Variants in PDPK1 observed in about 807,000 individuals in gnomAD.
The protein encoded by PDPK1 is 3-phosphoinositide-dependent protein kinase 1.
Under a neutral mutation model 39.8 loss-of-function variants are expected in PDPK1, and 7 were observed. The observed-to-expected ratio is 0.18, with a 90% CI of 0.10 to 0.33. PDPK1 has a LOEUF of 0.33. PDPK1 is among the 10% of genes least tolerant of loss of function. PDPK1 has a pLI of 1.00. For missense variants in PDPK1, 182 were observed against 384.7 expected (o/e 0.47, Z 4.41); for synonymous variants, 118 against 159.1 (o/e 0.74, Z 1.95).
At chr16:2,592,255 C>T (rs2067004143) in intron 11 of PDPK1, among the ~76,000 whole-genome samples, 1 of 152,156 alleles carries the variant, frequency 6.6e-6, no homozygotes, top group South Asian at 2.1e-4. Context: ...TTGTGGATTG[C>T]CCTGCATCCT....
chr16:2,539,984 A>G (rs2066214618), intron 1 of PDPK1, among the ~76,000 whole-genome samples: 1 of 152,236 alleles, frequency 6.6e-6, no homozygotes, highest in Non-Finnish European at 1.5e-5. Context: ...AGAATGCAAG[A>G]TGGATTTCCA....
At chr16:2,592,676 A>C (rs1250220964) in intron 11 of PDPK1, 1 of 374,576 alleles carries the variant, frequency 2.7e-6, no homozygotes, top group Non-Finnish European at 5.3e-6. Context: ...CTCTGTCTTA[A>C]AAAAAAAAAA....
At chr16:2,588,409 G>C (rs1310289620) in intron 11 of PDPK1, among the ~76,000 whole-genome samples, 1 of 152,172 alleles carries the variant, frequency 6.6e-6, no homozygotes, top group African/African-American at 2.4e-5. Flanking sequence ...CCCACGAAGG[G>C]CTGCTGTGGC....
intron 11 of PDPK1, among the ~76,000 whole-genome samples, chr16:2,590,640 AT>A (rs749478382): frequency 3.3e-5 from 5 of 152,246 alleles, no homozygotes; most frequent in Non-Finnish European, 7.3e-5. Context: ...TTTCTTGAAA[AT>A]GATTGGAATG....
intron 1 of PDPK1, chr16:2,538,671 G>A: frequency 7.8e-7 from 1 of 1,288,874 alleles, no homozygotes. Flanking sequence ...CGGCCAAGGG[G>A]CATTTGGGTG....
At position 2,546,276 on chromosome 16, in the gene PDPK1, G is replaced by C. The variant is rs1441607086; in HGVS notation, c.24+8140G>C. ...TTTTTGTGTTTTTAGTAGAGACGGG[G>C]TTTCACCATCTTGGTTAGGCTAATC... On this transcript the variant is annotated intron_variant, in intron 1 of 13. Coordinates refer to ENST00000342085, the MANE Select transcript of PDPK1 (RefSeq NM_002613.5). 2.0e-5 allele frequency among the ~76,000 whole-genome samples: 3 copies of C among 151,632 alleles called. No individual in the cohort carries two copies. The East Asian group carries it at 5.8e-4, about 29-fold the overall frequency.
rs549120788 is a variant in PDPK1 at position 2,601,956 on chromosome 16, C to G, written c.*4189C>G. The G allele has an allele frequency of 4.3e-6, 1 of 232,832 alleles. No homozygotes were observed. Among genetic ancestry groups the G allele is most frequent in the Non-Finnish European group, 8.5e-6 (1 of 117,154 alleles). The allele number at this position is 232,832 out of a possible 1,614,324, so 14.4% of individuals were successfully genotyped here. A position where few individuals can be genotyped will look rare whatever the true frequency, so the allele number is the denominator to read the frequency against. ...ACGTGCAGGAGGTTTTTCTAGGCAC[C>G]GTGTTCAGTGCTGCTTCACTCTACC... is the stretch of plus-strand genomic sequence containing the variant. On this transcript the variant is annotated 3_prime_UTR_variant, in exon 14 of 14. Coordinates refer to ENST00000342085, the MANE Select transcript of PDPK1 (RefSeq NM_002613.5).
chr16:2,586,558 T>G, intron 10 of PDPK1, 118 bp from the exon 11 acceptor site: 1 of 804,700 alleles, frequency 1.2e-6, no homozygotes, highest in Non-Finnish European at 2.0e-6. Flanking sequence ...CCTGTCGCCT[T>G]GCGCCTTGCT....
At chr16:2,594,035 C>G (rs528558951) in intron 11 of PDPK1, 1 of 152,382 alleles carries the variant, frequency 6.6e-6, no homozygotes, top group Admixed American at 6.5e-5. Flanking sequence ...GAGGCCAGGC[C>G]CTGGGTCCTC....
chr16:2,585,089 G>A (rs1009936668), intron 10 of PDPK1, among the ~76,000 whole-genome samples: 55 of 152,346 alleles, frequency 3.6e-4, no homozygotes, highest in African/African-American at 1.3e-3. Flanking sequence ...AGCAGCACAG[G>A]CTTCAGTTGT....
Position 2,603,106 on chromosome 16 carries a change from AC to A in PDPK1, c.*5340del, listed in dbSNP as rs1047896262. 38 of 224,694 alleles carry A rather than the reference AC, an allele frequency of 1.7e-4. No individual in the cohort carries two copies. The Admixed American group carries it at 1.8e-3, about 11-fold the overall frequency. The allele number at this position is 224,694 out of a possible 1,614,324, so 13.9% of individuals were successfully genotyped here. A position where few individuals can be genotyped will look rare whatever the true frequency, so the allele number is the denominator to read the frequency against. On this transcript the variant is annotated 3_prime_UTR_variant, in exon 14 of 14. Transcript: ENST00000342085. ...GTTTATCCTTTTTTTTTTTCCAAATACTTGTGCTTTAGGTGTAGTTACCAGA... is the reference window on the plus strand; with the variant it reads ...GTTTATCCTTTTTTTTTTTCCAAATATTGTGCTTTAGGTGTAGTTACCAGA...
rs577836571 is a variant in PDPK1, at chr16:2,539,973, TAG to T, written c.24+1839_24+1840del. ...ACTGGAATCCAGTGAGCAAGAATGA[TAG>T]AATGCAAGATGGATTTCCACATGAG... On this transcript the variant is annotated intron_variant, in intron 1 of 13. Coordinates refer to ENST00000342085, the MANE Select transcript of PDPK1 (RefSeq NM_002613.5). Among the ~76,000 whole-genome samples the T allele has an allele frequency of 5.9e-5, 9 of 152,332 alleles. No homozygotes were observed. In the South Asian group the frequency reaches 1.9e-3, roughly 32 times the overall value.
rs1443158064 is a variant in PDPK1 at position 2,601,043 on chromosome 16, C to T, written c.*3276C>T. ...TTTCCCTACTGTAAAATACTTAAGA[C>T]GGTTTCTGATTTTTCCACTATTTAA... On this transcript the variant is annotated 3_prime_UTR_variant, in exon 14 of 14. Transcript: ENST00000342085. 3.4e-5 allele frequency: 8 copies of T among 232,274 alleles called. No individual in the cohort carries two copies. Among genetic ancestry groups the T allele is most frequent in the Non-Finnish European group, 5.1e-5 (6 of 117,892 alleles). The allele number at this position is 232,274 out of a possible 1,614,324, so 14.4% of individuals were successfully genotyped here.
chr16:2,578,017 G>A (rs1357525491), intron 7 of PDPK1, among the ~76,000 whole-genome samples: 2 of 148,796 alleles, frequency 1.3e-5, no homozygotes, highest in East Asian at 2.0e-4. Flanking sequence ...AGTTACAGGC[G>A]TGAGCCACCA....
intron 7 of PDPK1, chr16:2,579,964 AAG>A (rs1462184671): frequency 1.1e-4 from 16 of 146,610 alleles, no homozygotes; most frequent in Non-Finnish European, 2.3e-4. Context: ...AAAAAAAGAA[AAG>A]AGAAATTAAT....
At chr16:2,594,233 A>C (rs1421242727) in intron 11 of PDPK1, 1 of 152,282 alleles carries the variant, frequency 6.6e-6, no homozygotes, top group Non-Finnish European at 1.5e-5. Flanking sequence ...TGATCATCTT[A>C]TGCCTTCTTC....
chr16:2,596,875 G>A (rs2067113856), intron 12 of PDPK1, among the ~76,000 whole-genome samples: 2 of 152,126 alleles, frequency 1.3e-5, no homozygotes, highest in South Asian at 4.2e-4. Context: ...AGGGGCCAGG[G>A]GAGCCATGGG....
chr16:2,550,513 A>T, intron 1 of PDPK1: 1 of 77,960 alleles, frequency 1.3e-5, no homozygotes. Flanking sequence ...GAAGGGAACA[A>T]AGCCTCCTTG....
intron 1 of PDPK1, among the ~76,000 whole-genome samples, chr16:2,544,213 C>T (rs1434149397): frequency 6.6e-6 from 1 of 152,178 alleles, no homozygotes; most frequent in Non-Finnish European, 1.5e-5. Flanking sequence ...TAGGTGGTTA[C>T]AAAGTGTTTC....
Sources: allele counts gnomAD v4.1 joint callset (sites outside exome capture counted in the v4.1 genomes callset), GRCh38; gene constraint gnomAD v4.1.1; transcripts MANE v1.5; gene names NCBI Gene and HGNC (gene_info 2026-07-23, HGNC 2026-07-21).